CMSS1: variants seen among roughly 807,000 people sequenced by gnomAD.
CMSS1 encodes protein CMSS1.
In CMSS1, 33 loss-of-function variants were observed where a neutral mutation model predicts 43.5. The observed-to-expected ratio is 0.76, with a 90% CI of 0.57 to 1.01. The LOEUF is 1.01. Among genes scored for constraint, CMSS1 ranks in the 50% least tolerant of loss-of-function variants. The pLI is 0.00. For missense variants in CMSS1, 313 were observed against 326.4 expected (o/e 0.96, Z 0.32); for synonymous variants, 115 against 117.2 (o/e 0.98, Z 0.12).
intron 1 of CMSS1, among the ~76,000 whole-genome samples, chr3:99,983,494 A>ATATATG (rs1709230244): frequency 8.4e-6 from 1 of 119,012 alleles, no homozygotes; most frequent in Non-Finnish European, 1.7e-5. Context: ...ATATATATAT[A>ATATATG]TATATATATA....
At chr3:100,122,987 G>A (rs1279269834) in intron 1 of CMSS1, among the ~76,000 whole-genome samples, 2 of 152,086 alleles carry the variant, frequency 1.3e-5, no homozygotes, top group African/African-American at 2.4e-5. Context: ...ACTATGTCCA[G>A]GCATATCTTG....
intron 1 of CMSS1, among the ~76,000 whole-genome samples, chr3:99,983,302 G>A (rs575248958): frequency 6.7e-6 from 1 of 149,872 alleles, no homozygotes; most frequent in South Asian, 2.1e-4. Flanking sequence ...GGGAGGCCAA[G>A]GCAGGCGGAT....
At chr3:100,022,381 CT>C (rs1288551411) in intron 1 of CMSS1, among the ~76,000 whole-genome samples, 1 of 152,222 alleles carries the variant, frequency 6.6e-6, no homozygotes, top group African/African-American at 2.4e-5. Flanking sequence ...TCCACTGTCT[CT>C]GCCTTCATGC....
At chr3:100,012,344 C>T (rs1273018504) in intron 1 of CMSS1, among the ~76,000 whole-genome samples, 2 of 152,112 alleles carry the variant, frequency 1.3e-5, no homozygotes, top group Non-Finnish European at 2.9e-5. Flanking sequence ...CATTTTCTTT[C>T]CTGAGAATCT....
intron 1 of CMSS1, among the ~76,000 whole-genome samples, chr3:99,831,384 G>C (rs1942665404): frequency 6.6e-6 from 1 of 152,092 alleles, no homozygotes; most frequent in Non-Finnish European, 1.5e-5. Context: ...GGACTTACAG[G>C]TACTTTTGAT....
intron 2 of CMSS1, among the ~76,000 whole-genome samples, chr3:100,149,003 A>G (rs55721822): frequency 0.015 from 2,239 of 152,216 alleles, 57 homozygotes; most frequent in African/African-American, 0.052. Context: ...CCCACTAATC[A>G]TACCATAGTC....
chr3:100,042,340 A>G (rs1298156216), intron 1 of CMSS1, among the ~76,000 whole-genome samples: 1 of 152,202 alleles, frequency 6.6e-6, no homozygotes, highest in African/African-American at 2.4e-5. Flanking sequence ...GCCAGTAACA[A>G]AAAAACATTG....
At chr3:99,855,899 G>A (rs1943938374) in intron 1 of CMSS1, among the ~76,000 whole-genome samples, 2 of 152,114 alleles carry the variant, frequency 1.3e-5, no homozygotes, top group African/African-American at 4.8e-5. Context: ...TAACAAATCG[G>A]ACAGCCAAAC....
At chr3:100,140,844 T>G (rs2107507006) in intron 1 of CMSS1, among the ~76,000 whole-genome samples, 1 of 152,046 alleles carries the variant, frequency 6.6e-6, no homozygotes, top group East Asian at 1.9e-4. Context: ...AAGAAGTTAT[T>G]TTAAATAAGA....
chr3:100,140,351 C>T (rs1437748153), intron 1 of CMSS1, among the ~76,000 whole-genome samples: 1 of 151,988 alleles, frequency 6.6e-6, no homozygotes, highest in Non-Finnish European at 1.5e-5. Flanking sequence ...CCCCAGAAGT[C>T]CCCCACTTCC....
chr3:100,009,824 C>T (rs1290101630), intron 1 of CMSS1, among the ~76,000 whole-genome samples: 1 of 152,164 alleles, frequency 6.6e-6, no homozygotes, highest in African/African-American at 2.4e-5. Context: ...TTAGCTGTAG[C>T]CCTTATATGT....
At chr3:100,040,397 A>G (rs1449397816) in intron 1 of CMSS1, 2 of 152,244 alleles carry the variant, frequency 1.3e-5, no homozygotes, top group Non-Finnish European at 1.5e-5. Context: ...ATAGTTCCAG[A>G]TAATAGCATT....
intron 1 of CMSS1, among the ~76,000 whole-genome samples, chr3:99,869,955 C>G (rs539236749): frequency 6.6e-6 from 1 of 152,260 alleles, no homozygotes; most frequent in African/African-American, 2.4e-5. Flanking sequence ...CTCACAGGCC[C>G]AAGTGCTACA....
At chr3:99,871,653 T>A (rs962320622) in intron 1 of CMSS1, among the ~76,000 whole-genome samples, 2 of 152,184 alleles carry the variant, frequency 1.3e-5, no homozygotes, top group African/African-American at 4.8e-5. Flanking sequence ...CTTTGAATTT[T>A]GAAAGGGATC....
intron 1 of CMSS1, among the ~76,000 whole-genome samples, chr3:100,076,087 G>A (rs2065845740): frequency 6.6e-6 from 1 of 152,122 alleles, no homozygotes; most frequent in Non-Finnish European, 1.5e-5. Flanking sequence ...ATGCTTCCTG[G>A]AAACTCACTG....
chr3:100,128,124 GC>G (rs1447961807), intron 1 of CMSS1, among the ~76,000 whole-genome samples: 2 of 152,196 alleles, frequency 1.3e-5, no homozygotes, highest in African/African-American at 4.8e-5. Flanking sequence ...AACTGTCCAG[GC>G]AAAGTGCTTA....
rs77078278 is a variant in CMSS1, at chr3:99,871,409, C to T, written c.64+53366C>T. ...AGCAACACACCTACTAATTGTACCT[C>T]GGTACTTTCCTAGGCACTGGAGGTA... is the stretch of plus-strand genomic sequence containing the variant. On this transcript the variant is annotated intron_variant, in intron 1 of 9. Coordinates refer to ENST00000421999, the MANE Select transcript of CMSS1 (RefSeq NM_032359.4). Among the ~76,000 whole-genome samples, 472 of 152,238 alleles carry T rather than the reference C, an allele frequency of 3.1e-3. 4 individuals are homozygous for T. Among genetic ancestry groups the T allele is most frequent in the African/African-American group, 0.011 (444 of 41,534 alleles).
At chr3:100,036,823 T>C (rs2065116085) in intron 1 of CMSS1, among the ~76,000 whole-genome samples, 1 of 152,196 alleles carries the variant, frequency 6.6e-6, no homozygotes, top group Non-Finnish European at 1.5e-5. Context: ...CCATCATCAA[T>C]AGTAGAACAA....
In CMSS1 at chr3:100,012,778, T is replaced by G. The variant is rs73859918; in HGVS notation, c.65-134195T>G. Among the ~76,000 whole-genome samples the G allele has an allele frequency of 2.3e-3, 325 of 143,058 alleles. 4 individuals are homozygous for G. The highest frequency in any genetic ancestry group is 7.8e-3 in the African/African-American group (307 of 39,552). The allele number at this position is 143,058 out of a possible 152,430, so 93.9% of individuals were successfully genotyped here. ...AGCATATTCTTTTTTTTTTTTTTTT[T>G]TGGGTTGGGGGAGGGACAGGTTTTC... is the stretch of plus-strand genomic sequence containing the variant. On this transcript the variant is annotated intron_variant, in intron 1 of 9. Transcript: ENST00000421999.
Sources: gnomAD v4.1 joint callset for allele counts (sites outside exome capture counted in the v4.1 genomes callset) on GRCh38, gnomAD v4.1.1 for gene constraint, MANE v1.5 for transcripts, NCBI Gene and HGNC (gene_info 2026-07-23, HGNC 2026-07-21) for gene names.